The following EHBP1 variants were observed in gnomAD, a reference collection of about 807,000 sequenced individuals.
The protein encoded by EHBP1 is EH domain-binding protein 1.
Under a neutral mutation model 144.0 loss-of-function variants are expected in EHBP1, and 55 were observed. That is an observed-to-expected ratio of 0.38 (90% CI 0.31 to 0.48). The LOEUF is 0.48. EHBP1 is among the 20% of genes least tolerant of loss of function. EHBP1 has a pLI of 0.98. For missense variants in EHBP1, 1,200 were observed against 1,364.2 expected (o/e 0.88, Z 1.90); for synonymous variants, 469 against 472.7 (o/e 0.99, Z 0.10).
rs537047138 is a variant in EHBP1 at position 62,991,018 on chromosome 2, G to A, written c.2733+178G>A. On this transcript the variant is annotated intron_variant, in intron 16 of 22. Transcript: ENST00000431489. ...CATGCCTGCAAGTCCAGCACTTTGG[G>A]AGGCCAAGGCAGGAGAATCAGTAGT... 2.6e-5 allele frequency among the ~76,000 whole-genome samples: 4 copies of A among 152,200 alleles called. No homozygotes were observed. In the East Asian group the frequency reaches 7.7e-4, roughly 29 times the overall value.
rs76587815 is a variant in EHBP1 at position 62,858,189 on chromosome 2, T to C, written c.635-980T>C. ...ATAGTTTTTATGTTACTAGTATACATTTTAACAATAAAATGCTTTCTATTT... is the reference window on the plus strand; with the variant it reads ...ATAGTTTTTATGTTACTAGTATACACTTTAACAATAAAATGCTTTCTATTT... On this transcript the variant is annotated intron_variant, in intron 7 of 22. Coordinates refer to ENST00000431489, the MANE Select transcript of EHBP1 (RefSeq NM_001142616.3). 1.6e-3 allele frequency among the ~76,000 whole-genome samples: 241 copies of C among 152,328 alleles called. 8 individuals are homozygous for C. The East Asian group carries it at 0.044, about 28-fold the overall frequency.
intron 1 of EHBP1, among the ~76,000 whole-genome samples, chr2:62,680,989 A>G (rs1201143462): frequency 6.6e-6 from 1 of 152,088 alleles, no homozygotes; most frequent in Admixed American, 6.5e-5. Context: ...TTGAATATCA[A>G]ACAAGATAGG....
At position 62,885,741 on chromosome 2, in the gene EHBP1, C is replaced by T. The variant is rs1242289096; in HGVS notation, c.1185+11209C>T. 2.6e-5 allele frequency among the ~76,000 whole-genome samples: 4 copies of T among 152,110 alleles called. No individual in the cohort carries two copies. In the East Asian group the frequency reaches 7.7e-4, roughly 29 times the overall value. On this transcript the variant is annotated intron_variant, in intron 10 of 22. Coordinates refer to ENST00000431489, the MANE Select transcript of EHBP1 (RefSeq NM_001142616.3). ...TAAAATAAATTAAACTTACAGTTCT[C>T]TGATTGCATAGAAAAGAGCCCCACC...
At chr2:62,793,339 T>C (rs964977242) in intron 5 of EHBP1, among the ~76,000 whole-genome samples, 7 of 152,118 alleles carry the variant, frequency 4.6e-5, no homozygotes, top group African/African-American at 1.7e-4. Context: ...GGGACCTCCA[T>C]TTCCGCTGCA....
At chr2:62,819,366 C>G (rs1423208678) in intron 5 of EHBP1, among the ~76,000 whole-genome samples, 1 of 152,136 alleles carries the variant, frequency 6.6e-6, no homozygotes, top group Non-Finnish European at 1.5e-5. Flanking sequence ...TATCCTATGA[C>G]CTGGCTATTC....
At chr2:62,683,649 A>G (rs1274106155) in intron 1 of EHBP1, among the ~76,000 whole-genome samples, 3 of 115,600 alleles carry the variant, frequency 2.6e-5, no homozygotes, top group Non-Finnish European at 5.0e-5. Flanking sequence ...AAAGAGCGAG[A>G]CTCCATCTCA....
At chr2:62,932,547 A>C (rs2056082549) in intron 10 of EHBP1, among the ~76,000 whole-genome samples, 1 of 152,222 alleles carries the variant, frequency 6.6e-6, no homozygotes, top group Non-Finnish European at 1.5e-5. Context: ...GGCAGTTACT[A>C]GGGGCAGAGA....
chr2:62,897,307 A>G (rs1282467622), intron 10 of EHBP1, among the ~76,000 whole-genome samples: 6 of 152,234 alleles, frequency 3.9e-5, no homozygotes. Flanking sequence ...TATTCTGTGT[A>G]CATCTCTATT....
intron 10 of EHBP1, among the ~76,000 whole-genome samples, chr2:62,875,068 G>A (rs1235594060): frequency 6.6e-6 from 1 of 152,028 alleles, no homozygotes; most frequent in South Asian, 2.1e-4. Context: ...CTGCCACCCT[G>A]CCCCTGCCAG....
intron 5 of EHBP1, among the ~76,000 whole-genome samples, chr2:62,794,249 G>T (rs188809108): frequency 6.6e-6 from 1 of 151,964 alleles, no homozygotes; most frequent in Admixed American, 6.6e-5. Context: ...GTCACAATAT[G>T]GTTAAATTAT....
chr2:62,877,189 A>C (rs543804051), intron 10 of EHBP1, among the ~76,000 whole-genome samples: 1 of 152,186 alleles, frequency 6.6e-6, no homozygotes, highest in Non-Finnish European at 1.5e-5. Context: ...AAAACAAAAA[A>C]GAGGAGGGGT....
chr2:62,890,538 T>G (rs2052369805), intron 10 of EHBP1, among the ~76,000 whole-genome samples: 1 of 152,200 alleles, frequency 6.6e-6, no homozygotes, highest in Non-Finnish European at 1.5e-5. Flanking sequence ...GGCTGTCAGC[T>G]CGACTGTTTT....
At chr2:62,780,090 T>C (rs1427932479) in intron 5 of EHBP1, among the ~76,000 whole-genome samples, 2 of 152,178 alleles carry the variant, frequency 1.3e-5, no homozygotes, top group Non-Finnish European at 2.9e-5. Context: ...AATAATTTTT[T>C]TTTAACTTAA....
chr2:62,853,829 A>G (rs1278602651), intron 7 of EHBP1, among the ~76,000 whole-genome samples: 1 of 152,216 alleles, frequency 6.6e-6, no homozygotes, highest in Non-Finnish European at 1.5e-5. Context: ...GTCAGTGAGC[A>G]GTGATGTTAC....
intron 19 of EHBP1, among the ~76,000 whole-genome samples, chr2:63,035,238 TACTATCGCAG>T (rs1354829975): frequency 6.6e-6 from 1 of 152,098 alleles, no homozygotes; most frequent in African/African-American, 2.4e-5. Flanking sequence ...CATCATTGTA[TACTATCGCAG>T]ATAAGGATTT....
chr2:62,942,771 T>G lies in EHBP1; in HGVS notation c.1239T>G (p.Ser413=). 24 of 1,613,690 alleles carry G rather than the reference T, an allele frequency of 1.5e-5. No individual in the cohort carries two copies. The highest frequency in any genetic ancestry group is 2.0e-5 in the Non-Finnish European group (24 of 1,179,712). The part of the protein sequence containing the change: ...VLGRKPNASQ[S]LLVWCKEVTK... ...GGCGAAAGCCAAATGCTAGTCAGTCTTTGCTTGTATGGTGTAAAGAAGTTA... is the reference window on the plus strand; with the variant it reads ...GGCGAAAGCCAAATGCTAGTCAGTCGTTGCTTGTATGGTGTAAAGAAGTTA... The change falls in exon 11 of 23, where the codon TCT becomes TCG. Residue 413 remains serine (S), a synonymous_variant. Transcript: ENST00000431489.
upstream of EHBP1, among the ~76,000 whole-genome samples, chr2:62,702,054 A>C (rs563436551): frequency 5.9e-5 from 9 of 152,348 alleles, no homozygotes; most frequent in South Asian, 1.7e-3. Flanking sequence ...TAGTAATTCA[A>C]GCCTATGGTT....
At chr2:62,822,673 C>G (rs2046067547) in intron 5 of EHBP1, among the ~76,000 whole-genome samples, 1 of 152,140 alleles carries the variant, frequency 6.6e-6, no homozygotes, top group South Asian at 2.1e-4. Context: ...TTGAAACTCT[C>G]CAGCAGTATA....
intron 1 of EHBP1, among the ~76,000 whole-genome samples, chr2:62,694,684 C>A (rs939399269): frequency 3.3e-5 from 5 of 152,090 alleles, no homozygotes; most frequent in African/African-American, 4.8e-5. Context: ...AGCACCTCAC[C>A]TCCAGTAGCC....
Sources: gnomAD v4.1 joint callset for allele counts (sites outside exome capture counted in the v4.1 genomes callset) on GRCh38, gnomAD v4.1.1 for gene constraint, MANE v1.5 for transcripts, NCBI Gene and HGNC (gene_info 2026-07-23, HGNC 2026-07-21) for gene names.